The following INPP5A variants were observed in gnomAD, a reference collection of about 807,000 sequenced individuals.
The protein encoded by INPP5A is inositol polyphosphate-5-phosphatase A, also known as 43 kDa inositol polyphosphate 5-phophatase.
INPP5A carries 14 observed loss-of-function variants against 65.2 expected under a neutral mutation model. That is an observed-to-expected ratio of 0.21 (90% CI 0.14 to 0.34). The LOEUF (loss-of-function observed/expected upper bound fraction) is 0.34. Ranked by LOEUF, INPP5A falls within the 10% of genes least tolerant of loss-of-function variation. The pLI is 1.00. For missense variants in INPP5A, 431 were observed against 545.6 expected (o/e 0.79, Z 2.09); for synonymous variants, 207 against 208.3 (o/e 0.99, Z 0.05).
At chr10:132,620,500 C>G (rs536458178) in intron 2 of INPP5A, among the ~76,000 whole-genome samples, 1 of 152,316 alleles carries the variant, frequency 6.6e-6, no homozygotes, top group African/African-American at 2.4e-5. Context: ...CCATCAGATA[C>G]CCTAAATCAT....
intron 1 of INPP5A, among the ~76,000 whole-genome samples, chr10:132,564,699 G>A (rs994474341): frequency 3.3e-5 from 5 of 152,268 alleles, no homozygotes; most frequent in Admixed American, 1.3e-4. Flanking sequence ...AGACGGGAGT[G>A]TGCAGTGTGA....
chr10:132,706,978 C>T lies in INPP5A; in HGVS notation c.475-1335C>T, dbSNP rs759010954. Among the ~76,000 whole-genome samples, 15 of 152,172 alleles carry T rather than the reference C, an allele frequency of 9.9e-5. No homozygotes were observed. The highest frequency in any genetic ancestry group is 3.4e-4 in the African/African-American group (14 of 41,442). On this transcript the variant is annotated intron_variant, in intron 6 of 15. Coordinates refer to ENST00000368594, the MANE Select transcript of INPP5A (RefSeq NM_005539.5). The surrounding 1 kb of genome is among the most constrained non-coding windows in gnomAD (Gnocchi z 4.7). ...GCATTTGGGCAGCTGTTGTCTGGCA[C>T]GTGCGCATACTGGAGGAGCCAAAGG... is the stretch of plus-strand genomic sequence containing the variant.
At chr10:132,711,760 T>G (rs1026332460) in intron 8 of INPP5A, among the ~76,000 whole-genome samples, 1 of 152,220 alleles carries the variant, frequency 6.6e-6, no homozygotes, top group Non-Finnish European at 1.5e-5. Flanking sequence ...CAGAGCAGAA[T>G]AACTGAGTCA....
intron 2 of INPP5A, among the ~76,000 whole-genome samples, chr10:132,642,050 G>A (rs1401053702): frequency 6.6e-6 from 1 of 152,240 alleles, no homozygotes; most frequent in East Asian, 1.9e-4. Context: ...GTGGAGAGCA[G>A]CCTGTGACCA....
chr10:132,702,541 G>A (rs1293723688), intron 6 of INPP5A, among the ~76,000 whole-genome samples: 1 of 152,198 alleles, frequency 6.6e-6, no homozygotes, highest in East Asian at 1.9e-4. Flanking sequence ...ACTGTTGACG[G>A]TTATCGCAAA....
intron 3 of INPP5A, among the ~76,000 whole-genome samples, chr10:132,648,776 C>T (rs763902795): frequency 1.3e-5 from 2 of 152,174 alleles, no homozygotes; most frequent in Admixed American, 6.5e-5. Flanking sequence ...ATATAATGTG[C>T]CCTTTCCTCC....
At chr10:132,716,313 C>A (rs570289342) in intron 8 of INPP5A, among the ~76,000 whole-genome samples, 1 of 152,386 alleles carries the variant, frequency 6.6e-6, no homozygotes, top group South Asian at 2.1e-4. Flanking sequence ...TCTTGTGACA[C>A]AGGCACGGAT....
chr10:132,701,476 C>A (rs897951245), intron 6 of INPP5A, among the ~76,000 whole-genome samples: 5 of 152,010 alleles, frequency 3.3e-5, no homozygotes, highest in Admixed American at 2.0e-4. Flanking sequence ...GGCCATACAC[C>A]CTCTGCCTCC....
intron 1 of INPP5A, among the ~76,000 whole-genome samples, chr10:132,542,549 G>C (rs957565887): frequency 7.2e-5 from 11 of 151,792 alleles, no homozygotes; most frequent in African/African-American, 2.7e-4. Context: ...CCACTGCGGG[G>C]CATCCTGACT....
At chr10:132,653,923 G>T (rs1265447970) in intron 4 of INPP5A, among the ~76,000 whole-genome samples, 2 of 152,230 alleles carry the variant, frequency 1.3e-5, no homozygotes, top group African/African-American at 4.8e-5. Flanking sequence ...CTGTGTACTT[G>T]GTGCCTCAAA....
Position 132,562,307 on chromosome 10 carries a change from C to T in INPP5A, c.75+24136C>T, listed in dbSNP as rs371543195. ...CCTGGGAGGCACCTTCTGCGTGGCC[C>T]GCTCGCCACCTCTGGCCTGTCTGCT... On this transcript the variant is annotated intron_variant, in intron 1 of 15. Transcript: ENST00000368594. 5.4e-4 allele frequency among the ~76,000 whole-genome samples: 83 copies of T among 152,372 alleles called. No individual in the cohort carries two copies. In the East Asian group the frequency reaches 0.014, roughly 25 times the overall value.
At chr10:132,668,842 T>C (rs1289884498) in intron 4 of INPP5A, among the ~76,000 whole-genome samples, 2 of 152,164 alleles carry the variant, frequency 1.3e-5, no homozygotes, top group African/African-American at 2.4e-5. Context: ...ACTGCCGAGC[T>C]CCATCGCACG....
At position 132,637,413 on chromosome 10, in the gene INPP5A, C is replaced by T. The variant is rs1182850039; in HGVS notation, c.118-8455C>T. Reference sequence around the variant, plus strand: ...GGTGTTTCAGGTGAGTGTGTAAGTGCGGGTCTTTTTCTGTTTTGAAGTTTT... The same window carrying T: ...GGTGTTTCAGGTGAGTGTGTAAGTGTGGGTCTTTTTCTGTTTTGAAGTTTT... On this transcript the variant is annotated intron_variant, in intron 2 of 15. Coordinates refer to ENST00000368594, the MANE Select transcript of INPP5A (RefSeq NM_005539.5). This position sits in a 1 kb window ranked among gnomAD's most constrained non-coding sequence, Gnocchi z 4.1. Among the ~76,000 whole-genome samples, 2 of 152,010 alleles carry T rather than the reference C, an allele frequency of 1.3e-5. No homozygotes were observed. Among genetic ancestry groups the T allele is most frequent in the African/African-American group, 2.4e-5 (1 of 41,404 alleles).
At chr10:132,553,142 G>A (rs2071077295) in intron 1 of INPP5A, among the ~76,000 whole-genome samples, 1 of 126,924 alleles carries the variant, frequency 7.9e-6, no homozygotes, top group African/African-American at 3.1e-5. Flanking sequence ...GATAGGGAGG[G>A]AGGATTGGTG....
rs1330724795 is a variant in INPP5A, at chr10:132,575,594, T to TTTC, written c.76-32318_76-32316dup. ...CAACCACAAGCAGCGGAGCCAGTTA[T>TTTC]TTCTTGGCTTCTCTGTGGAAGTGCG... On this transcript the variant is annotated intron_variant, in intron 1 of 15. Transcript: ENST00000368594. This position sits in a 1 kb window ranked among gnomAD's most constrained non-coding sequence, Gnocchi z 5.4. Among the ~76,000 whole-genome samples the TTTC allele has an allele frequency of 6.6e-6, 1 of 152,236 alleles. No homozygotes were observed. Among genetic ancestry groups the TTTC allele is most frequent in the East Asian group, 1.9e-4 (1 of 5,202 alleles).
intron 1 of INPP5A, among the ~76,000 whole-genome samples, chr10:132,602,858 G>T (rs1564930946): frequency 6.6e-6 from 1 of 152,146 alleles, no homozygotes; most frequent in Non-Finnish European, 1.5e-5. Flanking sequence ...TAATCTACAG[G>T]CACGTTCTCT....
chr10:132,715,565 G>C (rs1346803583), intron 8 of INPP5A, among the ~76,000 whole-genome samples: 1 of 152,208 alleles, frequency 6.6e-6, no homozygotes, highest in African/African-American at 2.4e-5. Context: ...TGGCTTTATG[G>C]AGGGCCATCA....
intron 11 of INPP5A, among the ~76,000 whole-genome samples, chr10:132,755,758 A>G (rs1158784286): frequency 6.6e-6 from 1 of 152,010 alleles, no homozygotes; most frequent in Non-Finnish European, 1.5e-5. Context: ...GGCCTGAGGG[A>G]GGTCCTGGCC....
chr10:132,597,948 G>A (rs2071728510), intron 1 of INPP5A, among the ~76,000 whole-genome samples: 1 of 152,174 alleles, frequency 6.6e-6, no homozygotes, highest in Non-Finnish European at 1.5e-5. Flanking sequence ...GCTACGCGTA[G>A]TGACCCTGGG....
Sources: allele counts gnomAD v4.1 joint callset (sites outside exome capture counted in the v4.1 genomes callset), GRCh38; gene constraint gnomAD v4.1.1; non-coding constraint Gnocchi (gnomAD v3.1); transcripts MANE v1.5; gene names NCBI Gene and HGNC (gene_info 2026-07-23, HGNC 2026-07-21).